The following PMM2 variants were observed in gnomAD, a reference collection of about 807,000 sequenced individuals.
The protein encoded by PMM2 is phosphomannomutase 2.
Under a neutral mutation model 33.2 loss-of-function variants are expected in PMM2, and 35 were observed. The ratio of observed to expected loss-of-function variants is 1.06; its 90% CI spans 0.81 to 1.40. The LOEUF is 1.40. Among genes scored for constraint, PMM2 ranks in the 40% most tolerant of loss-of-function variants. PMM2 has a pLI of 0.00. For missense variants in PMM2, 386 were observed against 306.0 expected (o/e 1.26, Z -1.95); for synonymous variants, 153 against 114.7 (o/e 1.33, Z -2.13).
chr16:8,813,689 A>G (rs771248238), intron 7 of PMM2, among the ~76,000 whole-genome samples: 1 of 151,996 alleles, frequency 6.6e-6, no homozygotes. Flanking sequence ...AGCAGAGCCC[A>G]GTGTTAAAGG....
chr16:8,815,219 T>TTC (rs970168511), intron 7 of PMM2, among the ~76,000 whole-genome samples: 2 of 50,100 alleles, frequency 4.0e-5, no homozygotes, highest in African/African-American at 1.4e-4. Flanking sequence ...ATTTTCTTTC[T>TTC]TTTTTTTTTT....
At chr16:8,801,074 A>G (rs974544931) in intron 1 of PMM2, among the ~76,000 whole-genome samples, 21 of 152,236 alleles carry the variant, frequency 1.4e-4, no homozygotes, top group African/African-American at 5.1e-4. Context: ...TTTAAAAGGA[A>G]TGATGAGCTA....
chr16:8,811,648 T>C lies in PMM2; in HGVS notation c.458T>C (p.Ile153Thr), dbSNP rs150577656. 7 of 1,611,226 alleles carry C rather than the reference T, an allele frequency of 4.3e-6. No individual in the cohort carries two copies. Among genetic ancestry groups the C allele is most frequent in the African/African-American group, 2.7e-5 (2 of 74,878 alleles). Residue 153 changes from isoleucine to threonine, a missense_variant, in exon 6 of 8, where the codon ATA (isoleucine) becomes ACA (threonine). Coordinates refer to ENST00000268261, the MANE Select transcript of PMM2 (RefSeq NM_000303.3). ...TTTTGTTTTTCTCAGAAAGAAAATATAAGACAAAAGTTTGTAGCAGATCTA... is the reference window on the plus strand; with the variant it reads ...TTTTGTTTTTCTCAGAAAGAAAATACAAGACAAAAGTTTGTAGCAGATCTA... ...EFYELDKKENIRQKFVADLRK... is the reference protein window; with the variant it reads ...EFYELDKKENTRQKFVADLRK...
chr16:8,828,025 C>CTTT (rs71153002), intron 7 of PMM2, among the ~76,000 whole-genome samples: 24,158 of 66,330 alleles, frequency 0.36, 5,540 homozygotes, highest in Non-Finnish European at 0.38. Context: ...CTGTAGAACT[C>CTTT]TTTTTTTTTT....
At position 8,815,555 on chromosome 16, in the gene PMM2, C is replaced by T. The variant is rs185516531; in HGVS notation, c.639+2449C>T. 1.8e-4 allele frequency among the ~76,000 whole-genome samples: 26 copies of T among 142,642 alleles called. No individual in the cohort carries two copies. The East Asian group carries it at 5.4e-3, about 30-fold the overall frequency. The allele number at this position is 142,642 out of a possible 152,430, so 93.6% of individuals were successfully genotyped here. On this transcript the variant is annotated intron_variant, in intron 7 of 7. Coordinates refer to ENST00000268261, the MANE Select transcript of PMM2 (RefSeq NM_000303.3). ...CAGAATATACTCCATTTTCTTGATCCATTCTTCTGTCAGTAGACACATGAG... is the reference window on the plus strand; with the variant it reads ...CAGAATATACTCCATTTTCTTGATCTATTCTTCTGTCAGTAGACACATGAG...
At chr16:8,817,030 C>T (rs1053178475) in intron 7 of PMM2, among the ~76,000 whole-genome samples, 5 of 152,118 alleles carry the variant, frequency 3.3e-5, no homozygotes, top group South Asian at 2.1e-4. Context: ...GCAATTGTCC[C>T]GCTTCAGCCT....
intron 1 of PMM2, among the ~76,000 whole-genome samples, chr16:8,800,417 G>C (rs1342475475): frequency 6.6e-6 from 1 of 151,224 alleles, no homozygotes; most frequent in African/African-American, 2.4e-5. Flanking sequence ...TGCTCAAAGT[G>C]CTGAGTTATA....
intron 4 of PMM2, chr16:8,808,567 A>T (rs2060659341): frequency 6.6e-6 from 1 of 152,240 alleles, no homozygotes; most frequent in South Asian, 2.1e-4. Context: ...GGCCAGGCAG[A>T]TGCAGTAAGA....
Position 8,832,136 on chromosome 16 carries a change from A to G in PMM2, c.640-15588A>G, listed in dbSNP as rs981659716. On this transcript the variant is annotated intron_variant, in intron 7 of 7. Coordinates refer to ENST00000268261, the MANE Select transcript of PMM2 (RefSeq NM_000303.3). ...TGCTTTGCAGCTACTCTGGTATGCA[A>G]GCTCGACACAGCCCCAAGAAGGCTG... 6.1e-6 allele frequency: 6 copies of G among 985,242 alleles called. No individual in the cohort carries two copies. In the African/African-American group the frequency reaches 1.0e-4, roughly 17 times the overall value. The allele number at this position is 985,242 out of a possible 1,614,324, so 61.0% of individuals were successfully genotyped here.
chr16:8,821,352 G>A (rs1428050840), intron 7 of PMM2, among the ~76,000 whole-genome samples: 1 of 152,176 alleles, frequency 6.6e-6, no homozygotes, highest in Non-Finnish European at 1.5e-5. Flanking sequence ...AGATGTTCCT[G>A]CTAGCCCACC....
chr16:8,847,943 G>A lies in PMM2; in HGVS notation c.*118G>A. 1.4e-6 allele frequency: 1 copy of A among 729,546 alleles called. No homozygotes were observed. The highest frequency in any genetic ancestry group is 2.4e-6 in the Non-Finnish European group (1 of 414,608). 45.2% of individuals were successfully genotyped at this position (729,546 alleles called of 1,614,324 possible). A position where few individuals can be genotyped will look rare whatever the true frequency, so the allele number is the denominator to read the frequency against. Reference sequence around the variant, plus strand: ...CCCGCAGCCTAGGCAGGCTCTGCATGCTATGCCAGGCATGTGCAGTCTGGA... The same window carrying A: ...CCCGCAGCCTAGGCAGGCTCTGCATACTATGCCAGGCATGTGCAGTCTGGA... On this transcript the variant is annotated 3_prime_UTR_variant, in exon 8 of 8. Coordinates refer to ENST00000268261, the MANE Select transcript of PMM2 (RefSeq NM_000303.3).
intron 7 of PMM2, chr16:8,832,049 T>C (rs2060812843): frequency 1.4e-6 from 1 of 739,444 alleles, no homozygotes; most frequent in African/African-American, 1.9e-5. Context: ...TCCGGTTCTC[T>C]AGCCTTATTA....
chr16:8,848,132 C>T lies in PMM2; in HGVS notation c.*307C>T, dbSNP rs2060940990. On this transcript the variant is annotated 3_prime_UTR_variant, in exon 8 of 8. Transcript: ENST00000268261. The stretch of plus-strand genomic sequence containing the variant: ...ATCATGTAGTTTTGGCGGAAATTTC[C>T]CCATCATTCTAGGATGATACAGAAA... The T allele has an allele frequency of 2.6e-6, 1 of 379,592 alleles. No homozygotes were observed. Among genetic ancestry groups the T allele is most frequent in the South Asian group, 2.4e-5 (1 of 41,570 alleles). The allele number at this position is 379,592 out of a possible 1,614,324, so 23.5% of individuals were successfully genotyped here.
chr16:8,811,073 TCC>T lies in PMM2; in HGVS notation c.348-4_348-3del. The T allele has an allele frequency of 1.3e-6, 2 of 1,529,530 alleles. No homozygotes were observed. The highest frequency in any genetic ancestry group is 1.8e-6 in the Non-Finnish European group (2 of 1,122,038). The allele number at this position is 1,529,530 out of a possible 1,614,324, so 94.7% of individuals were successfully genotyped here. Reference sequence around the variant, plus strand: ...TGGAGAAACTCTGTCACCCTTTCATTCCCAGGGGTACTTTCATTGAATTCCGA... The same window carrying T: ...TGGAGAAACTCTGTCACCCTTTCATTCAGGGGTACTTTCATTGAATTCCGA... On this transcript the variant is annotated splice_polypyrimidine_tract_variant and splice_region_variant and intron_variant, in intron 4 of 7. Transcript: ENST00000268261.
At chr16:8,841,824 A>G (rs2060892640) in intron 7 of PMM2, among the ~76,000 whole-genome samples, 1 of 140,764 alleles carries the variant, frequency 7.1e-6, no homozygotes, top group Admixed American at 7.2e-5. Context: ...GGTCCGGGCC[A>G]GGAACAATGG....
Position 8,806,343 on chromosome 16 carries a change from C to T in PMM2, c.283C>T (p.Leu95=), listed in dbSNP as rs2060647522. The change falls in exon 4 of 8, where the codon CTA becomes TTA. Residue 95 remains leucine, a synonymous_variant. Coordinates refer to ENST00000268261, the MANE Select transcript of PMM2 (RefSeq NM_000303.3). ...QNIQSHLGEA[L]IQDLINYCLS... ...TATTCAAAGTCATCTGGGTGAGGCC[C>T]TAATCCAAGATTTAATCAACTACTG... 6.2e-7 allele frequency: 1 copy of T among 1,610,408 alleles called. No individual in the cohort carries two copies. Among genetic ancestry groups the T allele is most frequent in the East Asian group, 2.2e-5 (1 of 44,868 alleles).
At chr16:8,839,004 T>C (rs1348739509) in intron 7 of PMM2, among the ~76,000 whole-genome samples, 1 of 152,044 alleles carries the variant, frequency 6.6e-6, no homozygotes, top group Non-Finnish European at 1.5e-5. Flanking sequence ...ATAAAGTTTG[T>C]GACATGTCTG....
At chr16:8,841,491 A>G (rs12925763) in intron 7 of PMM2, among the ~76,000 whole-genome samples, 120,160 of 127,876 alleles carry the variant, frequency 0.94, 56,700 homozygotes, top group Non-Finnish European at 0.97. Context: ...AGGGAAGGGA[A>G]GGGGCCTGAA....
At chr16:8,829,699 C>T (rs1436626902) in intron 7 of PMM2, among the ~76,000 whole-genome samples, 4 of 152,102 alleles carry the variant, frequency 2.6e-5, no homozygotes, top group Non-Finnish European at 5.9e-5. Flanking sequence ...TGGTCACCCT[C>T]GAGGCAGCCC....
Sources: allele counts gnomAD v4.1 joint callset (sites outside exome capture counted in the v4.1 genomes callset), GRCh38; gene constraint gnomAD v4.1.1; transcripts MANE v1.5; gene names NCBI Gene and HGNC (gene_info 2026-07-23, HGNC 2026-07-21).